Variants in CAPN9 observed in about 807,000 individuals in gnomAD.
CAPN9 encodes the protein calpain 9, also known as calpain-9.
In CAPN9, 81 loss-of-function variants were observed where a neutral mutation model predicts 92.8. The ratio of observed to expected loss-of-function variants is 0.87; its 90% CI spans 0.73 to 1.05. The LOEUF is 1.05. CAPN9 is among the 50% of genes least tolerant of loss of function. CAPN9 has a pLI of 0.00. For synonymous variants in CAPN9, 304 were observed against 328.0 expected (o/e 0.93, Z 0.79); for missense variants, 848 against 866.2 (o/e 0.98, Z 0.26).
rs1666076252 is a variant in CAPN9, at chr1:230,767,652, C to G, written c.648C>G (p.Phe216Leu). 1.2e-6 allele frequency: 2 copies of G among 1,613,848 alleles called. No homozygotes were observed. Among genetic ancestry groups the G allele is most frequent in the South Asian group, 1.1e-5 (1 of 91,050 alleles). ...AAACTAAAGAGGCCCCCGAGAACTT[C>G]TATGAGATTCTAGAGAAGGCTTTGA... ...TFQTKEAPEN[F>L]YEILEKALKR... The change falls in exon 5 of 20, where the codon TTC becomes TTG. Residue 216 changes from phenylalanine to leucine, a missense_variant. By Grantham distance (22) the Phe-to-Leu change is conservative. Coordinates refer to ENST00000271971, the MANE Select transcript of CAPN9 (RefSeq NM_006615.3).
chr1:230,773,731 G>A (rs1282521142), intron 7 of CAPN9, among the ~76,000 whole-genome samples: 2 of 152,114 alleles, frequency 1.3e-5, no homozygotes, highest in Non-Finnish European at 2.9e-5. Context: ...TCTGACCCTG[G>A]CCCGAGCACC....
At chr1:230,774,222 T>C (rs1357679450) in intron 7 of CAPN9, among the ~76,000 whole-genome samples, 2 of 152,232 alleles carry the variant, frequency 1.3e-5, no homozygotes, top group Non-Finnish European at 2.9e-5. Flanking sequence ...GTCAGCAGAC[T>C]TGTGGCTTCC....
At chr1:230,762,148 T>G (rs1278876934) in intron 3 of CAPN9, among the ~76,000 whole-genome samples, 2 of 152,136 alleles carry the variant, frequency 1.3e-5, no homozygotes, top group Non-Finnish European at 2.9e-5. Context: ...CTGCCTCCTA[T>G]GTGAATGGCC....
At chr1:230,761,085 A>G (rs1665603121) in intron 3 of CAPN9, among the ~76,000 whole-genome samples, 1 of 152,190 alleles carries the variant, frequency 6.6e-6, no homozygotes, top group South Asian at 2.1e-4. Flanking sequence ...AGCCAGACCT[A>G]GAACTCAGGA....
At chr1:230,764,835 T>C (rs1395481546) in intron 4 of CAPN9, among the ~76,000 whole-genome samples, 2 of 152,068 alleles carry the variant, frequency 1.3e-5, no homozygotes, top group African/African-American at 4.8e-5. Context: ...CAGATTAGAG[T>C]TGGAGATTCC....
intron 4 of CAPN9, among the ~76,000 whole-genome samples, chr1:230,766,840 C>A (rs1572034421): frequency 6.6e-6 from 1 of 152,194 alleles, no homozygotes; most frequent in African/African-American, 2.4e-5. Flanking sequence ...TGGTGGCAGG[C>A]AAAGAGGGCT....
intron 10 of CAPN9, 74 bp from the exon 11 acceptor site, chr1:230,780,426 A>G (rs1250637193): frequency 6.3e-7 from 1 of 1,598,400 alleles, no homozygotes; most frequent in Non-Finnish European, 8.6e-7. Context: ...GACTCAACCA[A>G]GAGTCCATGA....
Position 230,747,568 on chromosome 1 carries a change from C to T in CAPN9, c.72C>T (p.Ser24=). The T allele has an allele frequency of 1.2e-6, 2 of 1,614,224 alleles. No individual in the cohort carries two copies. Among genetic ancestry groups the T allele is most frequent in the Non-Finnish European group, 1.7e-6 (2 of 1,180,044 alleles). Residue 24 remains serine, a synonymous_variant, in exon 1 of 20, where the codon TCC becomes TCT. Coordinates refer to ENST00000271971, the MANE Select transcript of CAPN9 (RefSeq NM_006615.3). ...PVPKDARITH[S]SGQSFEQMRQ... is the part of the protein sequence containing the mutation. ...CCAAGGACGCCCGGATCACCCACTC[C>T]TCAGGCCAGAGCTTTGAGCAAATGA...
intron 18 of CAPN9, among the ~76,000 whole-genome samples, chr1:230,795,978 G>C (rs950719871): frequency 2.7e-5 from 4 of 150,060 alleles, no homozygotes; most frequent in Non-Finnish European, 5.9e-5. Context: ...GTCCTGCTTG[G>C]TATTTTCTAA....
At chr1:230,748,301 G>A (rs1181645249) in intron 1 of CAPN9, among the ~76,000 whole-genome samples, 1 of 152,192 alleles carries the variant, frequency 6.6e-6, no homozygotes, top group African/African-American at 2.4e-5. Flanking sequence ...TGGTCACTGG[G>A]TCCCAAGAGG....
chr1:230,754,538 G>A (rs1665096229), intron 1 of CAPN9, among the ~76,000 whole-genome samples: 1 of 151,086 alleles, frequency 6.6e-6, no homozygotes, highest in Non-Finnish European at 1.5e-5. Context: ...AGGGTGGCAT[G>A]TGTCTGTAAC....
chr1:230,785,161 A>C (rs927674271), intron 11 of CAPN9, among the ~76,000 whole-genome samples: 1 of 152,224 alleles, frequency 6.6e-6, no homozygotes, highest in African/African-American at 2.4e-5. Context: ...GGAAGTATAA[A>C]ATGGAATTTG....
chr1:230,751,452 AAG>A (rs900247456), intron 1 of CAPN9, among the ~76,000 whole-genome samples: 11 of 150,936 alleles, frequency 7.3e-5, no homozygotes, highest in Non-Finnish European at 1.2e-4. Flanking sequence ...GAAGGAGAGG[AAG>A]AGAGAGAGGG....
chr1:230,748,013 G>A (rs983425497), intron 1 of CAPN9, among the ~76,000 whole-genome samples: 7 of 152,172 alleles, frequency 4.6e-5, no homozygotes, highest in African/African-American at 1.2e-4. Context: ...TGATAGGCAC[G>A]AATCAAAACC....
chr1:230,773,593 C>T (rs1666534406), intron 7 of CAPN9, among the ~76,000 whole-genome samples: 1 of 152,224 alleles, frequency 6.6e-6, no homozygotes, highest in South Asian at 2.1e-4. Context: ...CCTGACTTCG[C>T]TGTGCTGCTG....
chr1:230,777,722 A>G (rs1666909526), intron 8 of CAPN9, among the ~76,000 whole-genome samples: 1 of 151,648 alleles, frequency 6.6e-6, no homozygotes, highest in Non-Finnish European at 1.5e-5. Context: ...ACCGACTCTC[A>G]CTTTGCTCGA....
At chr1:230,799,289 C>G (rs537490743) in intron 19 of CAPN9, among the ~76,000 whole-genome samples, 20 of 152,270 alleles carry the variant, frequency 1.3e-4, no homozygotes, top group South Asian at 4.2e-4. Flanking sequence ...GCTCTGATTT[C>G]GATTAAGCAG....
rs938632446 is a variant in CAPN9 at position 230,780,257 on chromosome 1, T to C, written c.1193T>C (p.Val398Ala). The C allele has an allele frequency of 2.5e-6, 4 of 1,613,932 alleles. No individual in the cohort carries two copies. The African/African-American group carries it at 4.0e-5, about 16-fold the overall frequency. Residue 398 changes from valine (V) to alanine (A), a missense_variant, in exon 10 of 20, where the codon GTA becomes GCA. Physicochemically the swap from Val to Ala is moderately conservative, Grantham distance 64 (BLOSUM62 0). Transcript: ENST00000271971. ...DEGQEECSFL[V>A]ALMQKDRRKL... ...GGGCAGGAGGAGTGTAGTTTCCTTGTAGCCCTGATGCAGAAAGATAGAAGG... is the reference window on the plus strand; with the variant it reads ...GGGCAGGAGGAGTGTAGTTTCCTTGCAGCCCTGATGCAGAAAGATAGAAGG...
At chr1:230,749,477 G>A (rs937478610) in intron 1 of CAPN9, among the ~76,000 whole-genome samples, 1 of 152,202 alleles carries the variant, frequency 6.6e-6, no homozygotes, top group Admixed American at 6.5e-5. Flanking sequence ...AGCTGCCCAG[G>A]CTGCAGGCTG....
Sources: gnomAD v4.1 joint callset for allele counts (sites outside exome capture counted in the v4.1 genomes callset) on GRCh38, gnomAD v4.1.1 for gene constraint, MANE v1.5 for transcripts, NCBI Gene and HGNC (gene_info 2026-07-23, HGNC 2026-07-21) for gene names.